PRR16: variants seen among roughly 807,000 people sequenced by gnomAD.
PRR16 encodes protein Largen.
Under a neutral mutation model 18.2 loss-of-function variants are expected in PRR16, and 6 were observed. That is an observed-to-expected ratio of 0.33 (90% CI 0.18 to 0.65). The LOEUF is 0.65. Among genes scored for constraint, PRR16 ranks in the 30% least tolerant of loss-of-function variants. The pLI is 0.74. For synonymous variants in PRR16, 151 were observed against 147.8 expected, an observed-to-expected ratio of 1.02 and a Z score of -0.16; for missense variants, 412 against 376.6, an observed-to-expected ratio of 1.09 and a Z score of -0.78.
chr5:120,547,436 TC>T (rs1752107800), intron 1 of PRR16, among the ~76,000 whole-genome samples: 1 of 152,070 alleles, frequency 6.6e-6, no homozygotes, highest in South Asian at 2.1e-4. Flanking sequence ...CTTCACCGAA[TC>T]CCATACACTC....
chr5:120,786,465 T>A, the PRR16 span, among the ~76,000 whole-genome samples: 1 of 150,958 alleles, frequency 6.6e-6, no homozygotes, highest in East Asian at 1.9e-4. Flanking sequence ...AGTTACTACT[T>A]CTTATAATGC....
the PRR16 span, among the ~76,000 whole-genome samples, chr5:120,765,730 GATT>G: frequency 8.5e-5 from 13 of 152,074 alleles, no homozygotes; most frequent in Admixed American, 8.5e-4. Flanking sequence ...TCCAGAAATA[GATT>G]ATTACCAACA....
At chr5:120,669,282 A>G (rs1401205527) in intron 1 of PRR16, among the ~76,000 whole-genome samples, 1 of 152,110 alleles carries the variant, frequency 6.6e-6, no homozygotes, top group Non-Finnish European at 1.5e-5. Context: ...AACCGTAGGA[A>G]AAGGGCAATA....
the PRR16 span, among the ~76,000 whole-genome samples, chr5:120,712,491 G>T: frequency 6.6e-6 from 1 of 151,766 alleles, no homozygotes; most frequent in Non-Finnish European, 1.5e-5. Context: ...GCACAGCAAA[G>T]GAAGTAATCA....
Position 120,464,330 on chromosome 5 carries a change from C to G in PRR16, c.-157C>G. ...ATGGCAGCACCACTGTGCGGCCGCC[C>G]GGCCGAGCGCGGAGCGCAGCCACTC... is the stretch of plus-strand genomic sequence containing the variant. On this transcript the variant is annotated 5_prime_UTR_variant, in exon 1 of 2. Transcript: ENST00000407149. The G allele has an allele frequency of 2.7e-6, 2 of 747,478 alleles. No individual in the cohort carries two copies. Among genetic ancestry groups the G allele is most frequent in the South Asian group, 3.0e-5 (1 of 33,796 alleles). 46.3% of individuals were successfully genotyped at this position (747,478 alleles called of 1,614,324 possible).
intron 1 of PRR16, among the ~76,000 whole-genome samples, chr5:120,496,387 G>T (rs972206502): frequency 6.6e-5 from 10 of 152,010 alleles, no homozygotes; most frequent in African/African-American, 1.9e-4. Context: ...TTCCATAATG[G>T]TTATAGAGTT....
intron 1 of PRR16, among the ~76,000 whole-genome samples, chr5:120,545,058 C>T (rs564272035): frequency 1.2e-4 from 18 of 152,154 alleles, no homozygotes; most frequent in Admixed American, 6.6e-4. Context: ...ATAGTAGTGT[C>T]TCCAAGAAGA....
Position 120,502,027 on chromosome 5 carries a change from G to T in PRR16, c.159+37382G>T, listed in dbSNP as rs1007212915. ...AAAAATTACTGTGGAAGAGAAGGGG[G>T]ACTCAAGTACTCCTCAAATGAAGTA... On this transcript the variant is annotated intron_variant, in intron 1 of 1. Transcript: ENST00000407149. 4.7e-5 allele frequency among the ~76,000 whole-genome samples: 7 copies of T among 149,940 alleles called. No homozygotes were observed. The East Asian group carries it at 1.4e-3, about 29-fold the overall frequency.
At chr5:120,615,562 T>C (rs1452244711) in intron 1 of PRR16, among the ~76,000 whole-genome samples, 1 of 151,978 alleles carries the variant, frequency 6.6e-6, no homozygotes, top group Non-Finnish European at 1.5e-5. Context: ...GTCAGGAGTA[T>C]TCGTTGTAGA....
intron 1 of PRR16, among the ~76,000 whole-genome samples, chr5:120,576,737 C>T (rs144810568): frequency 3.1e-4 from 47 of 152,194 alleles, no homozygotes; most frequent in African/African-American, 1.1e-3. Flanking sequence ...TTTCTAGCCT[C>T]CTGGCTTTCA....
chr5:120,716,557 C>T, the PRR16 span, among the ~76,000 whole-genome samples: 1 of 152,102 alleles, frequency 6.6e-6, no homozygotes, highest in African/African-American at 2.4e-5. Context: ...TGGCATAGTT[C>T]CTGAAATGGA....
chr5:120,774,080 G>T, the PRR16 span, among the ~76,000 whole-genome samples: 1 of 146,026 alleles, frequency 6.8e-6, no homozygotes, highest in Non-Finnish European at 1.5e-5. Context: ...TTGATTTCCT[G>T]TTGCTATGAA....
chr5:120,646,048 T>TATATATATATATATATATATATA (rs1755584808), intron 1 of PRR16, among the ~76,000 whole-genome samples: 1 of 104,984 alleles, frequency 9.5e-6, no homozygotes, highest in Non-Finnish European at 2.1e-5. Flanking sequence ...AATACATATT[T>TATATATATATATATATATATATA]TATATATATA....
chr5:120,547,079 A>G (rs1752097934), intron 1 of PRR16, among the ~76,000 whole-genome samples: 1 of 151,994 alleles, frequency 6.6e-6, no homozygotes, highest in Non-Finnish European at 1.5e-5. Flanking sequence ...GTAAATTGTC[A>G]TGGTGCTGGA....
chr5:120,657,604 C>T (rs1238596643), intron 1 of PRR16, among the ~76,000 whole-genome samples: 1 of 151,920 alleles, frequency 6.6e-6, no homozygotes, highest in African/African-American at 2.4e-5. Flanking sequence ...CATTCAGTCC[C>T]ACAAGATGAA....
At chr5:120,615,618 A>G (rs1167779846) in intron 1 of PRR16, among the ~76,000 whole-genome samples, 1 of 151,658 alleles carries the variant, frequency 6.6e-6, no homozygotes, top group Non-Finnish European at 1.5e-5. Context: ...TTTGTTTTTG[A>G]TTGTTGGTCT....
chr5:120,695,440 C>A, the PRR16 span, among the ~76,000 whole-genome samples: 1 of 152,144 alleles, frequency 6.6e-6, no homozygotes, highest in Admixed American at 6.5e-5. Context: ...GTAATTTTAA[C>A]TTTTTGCCAT....
At position 120,490,475 on chromosome 5, in the gene PRR16, G is replaced by T. The variant is rs563198730; in HGVS notation, c.159+25830G>T. Among the ~76,000 whole-genome samples the T allele has an allele frequency of 5.3e-5, 8 of 152,236 alleles. No individual in the cohort carries two copies. In the East Asian group the frequency reaches 1.4e-3, roughly 26 times the overall value. On this transcript the variant is annotated intron_variant, in intron 1 of 1. Transcript: ENST00000407149. ...CTGAGGCTTGTGTATTCGTCACGTG[G>T]TTCTCGTGCCGTGGTTTTCAGCTCC...
chr5:120,533,809 G>T (rs538327979), intron 1 of PRR16, among the ~76,000 whole-genome samples: 2 of 152,318 alleles, frequency 1.3e-5, no homozygotes, highest in African/African-American at 4.8e-5. Flanking sequence ...GACTACTTCA[G>T]ACTGTTAGGT....
Sources: allele counts gnomAD v4.1 joint callset (sites outside exome capture counted in the v4.1 genomes callset), GRCh38; gene constraint gnomAD v4.1.1; transcripts MANE v1.5; gene names NCBI Gene and HGNC (gene_info 2026-07-23, HGNC 2026-07-21).